FOXP2: variants seen among roughly 807,000 people sequenced by gnomAD.
FOXP2 encodes the protein forkhead box protein P2.
Under a neutral mutation model 115.8 loss-of-function variants are expected in FOXP2, and 12 were observed. The observed-to-expected ratio is 0.10, with a 90% CI of 0.07 to 0.17. The LOEUF (loss-of-function observed/expected upper bound fraction) is 0.17. Ranked by LOEUF, FOXP2 falls within the 10% of genes least tolerant of loss-of-function variation. The pLI is 1.00. For missense variants in FOXP2, 629 were observed against 843.5 expected (o/e 0.75, Z 3.15); for synonymous variants, 328 against 297.7 (o/e 1.10, Z -1.05).
At chr7:114,143,608 A>G (rs1792285929) in intron 1 of FOXP2, among the ~76,000 whole-genome samples, 1 of 152,148 alleles carries the variant, frequency 6.6e-6, no homozygotes, top group South Asian at 2.1e-4. Flanking sequence ...TACTTCCATT[A>G]TGACTTTAAC....
intron 1 of FOXP2, among the ~76,000 whole-genome samples, chr7:114,192,368 T>TTATC (rs761402721): frequency 1.3e-5 from 2 of 152,200 alleles, no homozygotes; most frequent in Non-Finnish European, 2.9e-5. Context: ...CACGGTTTGT[T>TTATC]TATCCATTCA....
At chr7:114,211,396 C>T (rs1472216196) in intron 1 of FOXP2, among the ~76,000 whole-genome samples, 3 of 152,158 alleles carry the variant, frequency 2.0e-5, no homozygotes, top group African/African-American at 4.8e-5. Flanking sequence ...ACGGGAAAAG[C>T]TGGTTTCCCG....
chr7:114,311,271 A>G (rs1797141709), intron 2 of FOXP2, among the ~76,000 whole-genome samples: 1 of 152,040 alleles, frequency 6.6e-6, no homozygotes, highest in South Asian at 2.1e-4. Flanking sequence ...TTTCCCCCTC[A>G]AGAGTCCAAG....
chr7:114,515,474 A>G (rs1798290182), intron 2 of FOXP2, among the ~76,000 whole-genome samples: 1 of 152,026 alleles, frequency 6.6e-6, no homozygotes, highest in Non-Finnish European at 1.5e-5. Context: ...GCCAGTGATG[A>G]TGAGCATTTT....
At chr7:114,639,783 CAG>C (rs745882750) in intron 6 of FOXP2, among the ~76,000 whole-genome samples, 9 of 152,134 alleles carry the variant, frequency 5.9e-5, no homozygotes, top group Non-Finnish European at 1.2e-4. Context: ...TAGATGAGAT[CAG>C]AGAGACAGGC....
At chr7:114,123,711 T>G (rs1212252943) in intron 1 of FOXP2, among the ~76,000 whole-genome samples, 2 of 152,096 alleles carry the variant, frequency 1.3e-5, no homozygotes, top group East Asian at 3.8e-4. Context: ...TCTTTCAGAT[T>G]TGTGTACAAA....
At chr7:114,390,626 T>C (rs934605953) in intron 2 of FOXP2, among the ~76,000 whole-genome samples, 14 of 152,194 alleles carry the variant, frequency 9.2e-5, no homozygotes, top group African/African-American at 3.4e-4. Flanking sequence ...TGATCACTGC[T>C]CACTGGAGCC....
intron 2 of FOXP2, among the ~76,000 whole-genome samples, chr7:114,533,718 A>G (rs1309457967): frequency 6.6e-6 from 1 of 151,842 alleles, no homozygotes; most frequent in Non-Finnish European, 1.5e-5. Context: ...GAGAGAGAAA[A>G]TGAATTTTTT....
intron 2 of FOXP2, among the ~76,000 whole-genome samples, chr7:114,362,092 G>A (rs1791759964): frequency 6.6e-6 from 1 of 151,730 alleles, no homozygotes; most frequent in Non-Finnish European, 1.5e-5. Context: ...GGTAAGGAGT[G>A]GAACAGTAGT....
chr7:114,399,375 T>G (rs1792821902), intron 2 of FOXP2, among the ~76,000 whole-genome samples: 1 of 152,164 alleles, frequency 6.6e-6, no homozygotes, highest in Non-Finnish European at 1.5e-5. Flanking sequence ...CTCAAAGTGC[T>G]AGGATTACAG....
At chr7:114,316,593 G>A (rs569690660) in intron 2 of FOXP2, among the ~76,000 whole-genome samples, 59 of 152,214 alleles carry the variant, frequency 3.9e-4, no homozygotes, top group African/African-American at 1.3e-3. Flanking sequence ...GACCTAACTC[G>A]TATGGTGGCT....
chr7:114,691,748 TCCCGTTCC>T lies in FOXP2; in HGVS notation c.*1823_*1830del. 1 of 453,988 alleles carries T rather than the reference TCCCGTTCC, an allele frequency of 2.2e-6. No individual in the cohort carries two copies. The highest frequency in any genetic ancestry group is 4.4e-6 in the Non-Finnish European group (1 of 226,566). 28.1% of individuals were successfully genotyped at this position (453,988 alleles called of 1,614,324 possible). The stretch of plus-strand genomic sequence containing the variant: ...GTGGCTGCTAGAGCTTAACATACGT[TCCCGTTCC>T]ATGTGATGGAACCGGTTCTTGCAAA... On this transcript the variant is annotated 3_prime_UTR_variant, in exon 17 of 17. Transcript: ENST00000350908.
At chr7:114,273,756 C>G (rs1399108199) in intron 1 of FOXP2, among the ~76,000 whole-genome samples, 2 of 151,906 alleles carry the variant, frequency 1.3e-5, no homozygotes, top group African/African-American at 4.8e-5. Flanking sequence ...ATAGATACTC[C>G]CATTTACTTT....
intron 1 of FOXP2, among the ~76,000 whole-genome samples, chr7:114,264,158 C>G (rs759944260): frequency 2.2e-4 from 33 of 152,116 alleles, no homozygotes; most frequent in Non-Finnish European, 3.5e-4. Flanking sequence ...TTCTCTTCAC[C>G]CTTATTCTAG....
intron 16 of FOXP2, among the ~76,000 whole-genome samples, chr7:114,676,424 T>G (rs997566754): frequency 6.6e-6 from 1 of 152,192 alleles, no homozygotes; most frequent in African/African-American, 2.4e-5. Flanking sequence ...AAGTACTGTA[T>G]GTGTAAGTTC....
Position 114,132,575 on chromosome 7 carries a change from G to A in FOXP2, c.-246-30369G>A, listed in dbSNP as rs1157437175. 4.4e-3 allele frequency among the ~76,000 whole-genome samples: 523 copies of A among 118,458 alleles called. 2 individuals are homozygous for A. The highest frequency in any genetic ancestry group is 7.1e-3 in the Non-Finnish European group (394 of 55,414). 77.7% of individuals were successfully genotyped at this position (118,458 alleles called of 152,430 possible). A position where few individuals can be genotyped will look rare whatever the true frequency, so the allele number is the denominator to read the frequency against. ...TGTGTGTGTGTGTGTGTGTGTGTGT[G>A]TGTGTGTGAGAGAGAGAGAGAGAGA... On this transcript the variant is annotated intron_variant, in intron 1 of 19. Coordinates refer to the FOXP2 transcript ENST00000635638.
intron 2 of FOXP2, among the ~76,000 whole-genome samples, chr7:114,441,502 C>T (rs189886646): frequency 3.3e-5 from 5 of 151,932 alleles, no homozygotes; most frequent in African/African-American, 4.8e-5. Flanking sequence ...GTTCACAAAT[C>T]GTCAATGATT....
chr7:114,581,668 A>C (rs1483914182), intron 3 of FOXP2, among the ~76,000 whole-genome samples: 1 of 152,180 alleles, frequency 6.6e-6, no homozygotes, highest in Admixed American at 6.5e-5. Flanking sequence ...GGTGTTGTAC[A>C]TTCTATGGGT....
chr7:114,204,934 A>G (rs928307519), intron 1 of FOXP2, among the ~76,000 whole-genome samples: 4 of 150,092 alleles, frequency 2.7e-5, no homozygotes, highest in African/African-American at 9.8e-5. Context: ...AAAAAAAATC[A>G]TTGAAAAGAT....
Sources: allele counts gnomAD v4.1 joint callset (sites outside exome capture counted in the v4.1 genomes callset), GRCh38; gene constraint gnomAD v4.1.1; transcripts MANE v1.5; gene names NCBI Gene and HGNC (gene_info 2026-07-23, HGNC 2026-07-21).